KCNIP4: variants seen among roughly 807,000 people sequenced by gnomAD.
KCNIP4 encodes the protein potassium voltage-gated channel interacting protein 4.
A neutral mutation model predicts 34.0 loss-of-function variants in KCNIP4; 12 were observed. That is an observed-to-expected ratio of 0.35 (90% CI 0.23 to 0.57). KCNIP4 has a LOEUF of 0.57. Among genes scored for constraint, KCNIP4 ranks in the 20% least tolerant of loss-of-function variants. The probability of loss-of-function intolerance (pLI) is 0.83; values close to 1 mark genes in which losing one functional copy is unlikely to be tolerated. For synonymous variants in KCNIP4, 124 were observed against 102.2 expected (o/e 1.21, Z -1.29); for missense variants, 238 against 311.7 (o/e 0.76, Z 1.78).
chr4:21,123,290 G>A (rs1004622875), intron 1 of KCNIP4, among the ~76,000 whole-genome samples: 2 of 152,110 alleles, frequency 1.3e-5, no homozygotes, highest in South Asian at 4.1e-4. Flanking sequence ...TTGAATGCCT[G>A]TAATGTGACA....
intron 1 of KCNIP4, among the ~76,000 whole-genome samples, chr4:21,681,890 A>T (rs1280971300): frequency 7.5e-4 from 110 of 145,772 alleles, no homozygotes; most frequent in African/African-American, 2.6e-3. Flanking sequence ...TTTTATTTTT[A>T]TTTATTTATT....
chr4:20,900,522 T>C (rs911461944), intron 1 of KCNIP4, among the ~76,000 whole-genome samples: 4 of 152,216 alleles, frequency 2.6e-5, no homozygotes, highest in Admixed American at 2.6e-4. Context: ...GGCAGGCTTC[T>C]CTTCATAAAT....
intron 1 of KCNIP4, chr4:21,849,051 G>A (rs1169095443): frequency 6.6e-6 from 1 of 151,678 alleles, no homozygotes; most frequent in African/African-American, 2.4e-5. Flanking sequence ...TTTACCATTT[G>A]TTGGAATCAT....
chr4:21,681,225 C>T (rs1229090131), intron 1 of KCNIP4, among the ~76,000 whole-genome samples: 4 of 151,978 alleles, frequency 2.6e-5, no homozygotes, highest in Non-Finnish European at 5.9e-5. Flanking sequence ...CGTACAGTCT[C>T]GAGTAGCTGG....
intron 1 of KCNIP4, among the ~76,000 whole-genome samples, chr4:21,136,774 CAG>C (rs1431337405): frequency 1.3e-5 from 2 of 152,138 alleles, no homozygotes; most frequent in Non-Finnish European, 2.9e-5. Context: ...AGTCAGACCC[CAG>C]AGTTTTGATA....
chr4:21,816,096 T>C (rs1721968811), intron 1 of KCNIP4, among the ~76,000 whole-genome samples: 3 of 152,096 alleles, frequency 2.0e-5, no homozygotes, highest in Admixed American at 6.6e-5. Context: ...TTTTTTCTTA[T>C]ACAAAATCAA....
intron 1 of KCNIP4, among the ~76,000 whole-genome samples, chr4:21,705,998 G>A (rs573047627): frequency 6.6e-6 from 1 of 152,278 alleles, no homozygotes; most frequent in Admixed American, 6.5e-5. Flanking sequence ...TTGTTGGGGA[G>A]TATGCAGGGA....
At chr4:20,882,059 T>G (rs1046164142) in intron 2 of KCNIP4, among the ~76,000 whole-genome samples, 1 of 152,252 alleles carries the variant, frequency 6.6e-6, no homozygotes, top group African/African-American at 2.4e-5. Flanking sequence ...ATATGATATG[T>G]ATATGCTTAT....
intron 1 of KCNIP4, among the ~76,000 whole-genome samples, chr4:21,622,635 T>A (rs927969727): frequency 6.6e-6 from 1 of 152,210 alleles, no homozygotes; most frequent in Non-Finnish European, 1.5e-5. Context: ...AAGAAAGACA[T>A]ATTTTAATAG....
At chr4:21,906,278 A>G (rs1248995861) in intron 1 of KCNIP4, among the ~76,000 whole-genome samples, 2 of 152,282 alleles carry the variant, frequency 1.3e-5, no homozygotes, top group Non-Finnish European at 2.9e-5. Flanking sequence ...TCCTGAGGTG[A>G]GATCATTCTG....
intron 1 of KCNIP4, among the ~76,000 whole-genome samples, chr4:21,392,190 T>C (rs1722624351): frequency 6.6e-6 from 1 of 152,226 alleles, no homozygotes. Context: ...CCCAGCTATC[T>C]GCCATATGAG....
intron 1 of KCNIP4, among the ~76,000 whole-genome samples, chr4:21,412,863 T>C (rs1724624953): frequency 6.6e-6 from 1 of 152,228 alleles, no homozygotes; most frequent in Admixed American, 6.5e-5. Context: ...TTTAAGATTG[T>C]AGGTCATGCT....
chr4:21,582,560 C>T lies in KCNIP4; in HGVS notation c.61+366011G>A, dbSNP rs191873048. Among the ~76,000 whole-genome samples, 225 of 151,992 alleles carry T rather than the reference C, an allele frequency of 1.5e-3. 2 individuals are homozygous for T. Among genetic ancestry groups the T allele is most frequent in the African/African-American group, 5.1e-3 (212 of 41,504 alleles). ...TCAGAAAAAGTGAATATAATCATTACTGAAAGTATTATGCACAAAAAATAG... is the reference window on the plus strand; with the variant it reads ...TCAGAAAAAGTGAATATAATCATTATTGAAAGTATTATGCACAAAAAATAG... On this transcript the variant is annotated intron_variant, in intron 1 of 8. Coordinates refer to ENST00000382152, the MANE Select transcript of KCNIP4 (RefSeq NM_025221.6).
chr4:21,727,958 C>T (rs1297203127), intron 1 of KCNIP4, among the ~76,000 whole-genome samples: 1 of 152,164 alleles, frequency 6.6e-6, no homozygotes, highest in Non-Finnish European at 1.5e-5. Flanking sequence ...CCAGGCATTT[C>T]TTGCACACTT....
chr4:21,860,512 C>G (rs1725011133), intron 1 of KCNIP4, among the ~76,000 whole-genome samples: 1 of 151,968 alleles, frequency 6.6e-6, no homozygotes, highest in African/African-American at 2.4e-5. Context: ...TGACTTTTTT[C>G]CCATTTTTGC....
chr4:20,823,598 G>A (rs1169096560), intron 3 of KCNIP4, among the ~76,000 whole-genome samples: 1 of 152,116 alleles, frequency 6.6e-6, no homozygotes, highest in African/African-American at 2.4e-5. Context: ...TTCACCACAT[G>A]AGGCTACAAG....
intron 1 of KCNIP4, chr4:21,697,546 G>A: frequency 1.4e-6 from 2 of 1,434,808 alleles, no homozygotes. Flanking sequence ...CTCAGTTTAT[G>A]CACAGGCTGC....
chr4:21,859,472 G>T (rs1040357730), intron 1 of KCNIP4, among the ~76,000 whole-genome samples: 1 of 151,718 alleles, frequency 6.6e-6, no homozygotes, highest in African/African-American at 2.4e-5. Flanking sequence ...AAAATTAGCC[G>T]GAAAAATTAG....
chr4:20,916,163 C>T (rs1182544755), intron 1 of KCNIP4, among the ~76,000 whole-genome samples: 1 of 152,186 alleles, frequency 6.6e-6, no homozygotes, highest in African/African-American at 2.4e-5. Flanking sequence ...ATACCACAAT[C>T]AGCTCTGTCC....
Sources: gnomAD v4.1 joint callset for allele counts (sites outside exome capture counted in the v4.1 genomes callset) on GRCh38, gnomAD v4.1.1 for gene constraint, MANE v1.5 for transcripts, NCBI Gene and HGNC (gene_info 2026-07-23, HGNC 2026-07-21) for gene names.